The following NT5DC3 variants were observed in gnomAD, a reference collection of about 807,000 sequenced individuals.
NT5DC3 encodes 5'-nucleotidase domain-containing protein 3.
A neutral mutation model predicts 67.8 loss-of-function variants in NT5DC3; 42 were observed. The observed-to-expected ratio is 0.62, with a 90% CI of 0.48 to 0.80. NT5DC3 has a LOEUF of 0.80. Among genes scored for constraint, NT5DC3 ranks in the 30% least tolerant of loss-of-function variants. The pLI, the probability that NT5DC3 is intolerant of heterozygous loss-of-function variation, is 0.00. For missense variants in NT5DC3, 570 were observed against 696.4 expected (o/e 0.82, Z 2.04); for synonymous variants, 237 against 255.6 (o/e 0.93, Z 0.69).
At chr12:103,787,401 A>C in intron 11 of NT5DC3, 40 bp downstream of exon 11, 1 of 986,100 alleles carries the variant, frequency 1.0e-6, no homozygotes, top group Non-Finnish European at 1.5e-6. Context: ...AGTGAGACTA[A>C]CACATCTGTC....
chr12:103,840,370 C>G (rs1180189344), intron 1 of NT5DC3, among the ~76,000 whole-genome samples: 2 of 143,378 alleles, frequency 1.4e-5, no homozygotes, highest in East Asian at 2.1e-4. Flanking sequence ...CTTTCAAACA[C>G]CGCACAGCTC....
At chr12:103,803,859 AC>A (rs10652483) in intron 4 of NT5DC3, among the ~76,000 whole-genome samples, 125 of 139,734 alleles carry the variant, frequency 8.9e-4, no homozygotes, top group Non-Finnish European at 1.4e-3. Context: ...ATTCATTACC[AC>A]CCCCCCCCCA....
At chr12:103,837,441 T>A (rs908354919) in intron 1 of NT5DC3, among the ~76,000 whole-genome samples, 1 of 152,134 alleles carries the variant, frequency 6.6e-6, no homozygotes, top group African/African-American at 2.4e-5. Flanking sequence ...CAAAAAAAAA[T>A]GGGTTTTTCT....
chr12:103,780,582 T>C (rs763757619), intron 12 of NT5DC3, among the ~76,000 whole-genome samples: 2 of 152,232 alleles, frequency 1.3e-5, no homozygotes, highest in Non-Finnish European at 2.9e-5. Flanking sequence ...ACATTAGAAA[T>C]GTGGTTTAAC....
intron 1 of NT5DC3, among the ~76,000 whole-genome samples, chr12:103,824,021 C>T (rs17034639): frequency 0.1 from 15,421 of 152,242 alleles, 1,116 homozygotes; most frequent in East Asian, 0.29. Context: ...ACATGTGAAC[C>T]TCTTCTAATA....
intron 11 of NT5DC3, chr12:103,785,876 T>G: frequency 5.3e-6 from 2 of 380,640 alleles, no homozygotes; most frequent in South Asian, 4.1e-5. Flanking sequence ...CTCTGGGTTA[T>G]GGAGAACCAT....
the NT5DC3 span, among the ~76,000 whole-genome samples, chr12:103,759,812 G>A: frequency 2.0e-5 from 3 of 152,154 alleles, no homozygotes; most frequent in African/African-American, 7.2e-5. Context: ...ATAGACATAC[G>A]ATAAATAGGA....
At chr12:103,836,727 G>C (rs1430518233) in intron 1 of NT5DC3, among the ~76,000 whole-genome samples, 2 of 152,152 alleles carry the variant, frequency 1.3e-5, no homozygotes, top group Admixed American at 1.3e-4. Flanking sequence ...GTATCGGCAT[G>C]ACATCCAGGT....
intron 1 of NT5DC3, among the ~76,000 whole-genome samples, chr12:103,822,711 C>T (rs1207456131): frequency 2.0e-5 from 3 of 152,176 alleles, no homozygotes; most frequent in East Asian, 3.8e-4. Context: ...AGCTTCACTC[C>T]TTGCTGTTTA....
At chr12:103,765,230 C>G in the NT5DC3 span, among the ~76,000 whole-genome samples, 1 of 152,086 alleles carries the variant, frequency 6.6e-6, no homozygotes, top group Admixed American at 6.5e-5. Flanking sequence ...CCCATGCCTT[C>G]CCTGTTGTCT....
intron 1 of NT5DC3, among the ~76,000 whole-genome samples, chr12:103,826,998 C>T (rs1887724143): frequency 1.3e-5 from 2 of 152,216 alleles, no homozygotes; most frequent in South Asian, 4.1e-4. Flanking sequence ...AATCCCAGCA[C>T]TTTGGGAGGC....
downstream of NT5DC3, chr12:103,766,527 T>G: frequency 1.6e-6 from 1 of 609,982 alleles, no homozygotes; most frequent in Non-Finnish European, 2.8e-6. Context: ...CAGTACAGCT[T>G]CCTCCTCTGA....
downstream of NT5DC3, among the ~76,000 whole-genome samples, chr12:103,767,386 A>G (rs1566091291): frequency 6.6e-6 from 1 of 152,208 alleles, no homozygotes; most frequent in Non-Finnish European, 1.5e-5. Flanking sequence ...ATAGAGACAG[A>G]AAGTAGGTTG....
At chr12:103,809,878 G>A (rs1180715259) in intron 2 of NT5DC3, among the ~76,000 whole-genome samples, 1 of 152,172 alleles carries the variant, frequency 6.6e-6, no homozygotes, top group East Asian at 1.9e-4. Flanking sequence ...AGGTTCCGGG[G>A]CTGAGAGACC....
chr12:103,840,446 A>G (rs1435785416), intron 1 of NT5DC3, among the ~76,000 whole-genome samples: 4 of 144,208 alleles, frequency 2.8e-5, no homozygotes, highest in African/African-American at 7.9e-5. Flanking sequence ...ATCCCATCCC[A>G]TCCCATCCCA....
intron 9 of NT5DC3, among the ~76,000 whole-genome samples, chr12:103,791,733 G>A (rs900697790): frequency 7.9e-5 from 12 of 152,228 alleles, no homozygotes; most frequent in Non-Finnish European, 2.9e-5. Context: ...GTGGGTGAGA[G>A]AGCATTACCG....
chr12:103,799,064 G>C (rs1338219418), intron 4 of NT5DC3, among the ~76,000 whole-genome samples: 1 of 152,158 alleles, frequency 6.6e-6, no homozygotes, highest in Non-Finnish European at 1.5e-5. Context: ...AGTAGGAAGT[G>C]GTAGGTCAAG....
intron 11 of NT5DC3, among the ~76,000 whole-genome samples, chr12:103,785,972 C>A (rs57498429): frequency 0.017 from 2,641 of 151,988 alleles, 89 homozygotes; most frequent in East Asian, 0.17. Context: ...CCATATTTGA[C>A]AACAGGCCAG....
At chr12:103,812,377 T>C (rs903057113) in intron 2 of NT5DC3, among the ~76,000 whole-genome samples, 2 of 152,228 alleles carry the variant, frequency 1.3e-5, no homozygotes, top group African/African-American at 4.8e-5. Context: ...TCTACTAATA[T>C]GCCTGATATA....
Sources: gnomAD v4.1 joint callset for allele counts (sites outside exome capture counted in the v4.1 genomes callset) on GRCh38, gnomAD v4.1.1 for gene constraint, MANE v1.5 for transcripts, NCBI Gene and HGNC (gene_info 2026-07-23, HGNC 2026-07-21) for gene names.